The following KMT2C variants were observed in gnomAD, a reference collection of about 807,000 sequenced individuals.
The protein encoded by KMT2C is histone-lysine N-methyltransferase 2C.
KMT2C carries 88 observed loss-of-function variants against 507.9 expected under a neutral mutation model. That is an observed-to-expected ratio of 0.17 (90% CI 0.15 to 0.21). The LOEUF is 0.21. Among genes scored for constraint, KMT2C ranks in the 10% least tolerant of loss-of-function variants. KMT2C has a pLI of 1.00. For missense variants in KMT2C, 4,954 were observed against 5,957.8 expected (o/e 0.83, Z 5.55); for synonymous variants, 2,049 against 2,080.8 (o/e 0.98, Z 0.42).
chr7:152,226,219 CTTTTTTTTTT>C lies in KMT2C; in HGVS notation c.2977-1613_2977-1604del, dbSNP rs869076803. 9.6e-3 allele frequency among the ~76,000 whole-genome samples: 907 copies of C among 94,962 alleles called. 17 individuals are homozygous for C. Among genetic ancestry groups the C allele is most frequent in the African/African-American group, 0.036 (872 of 23,982 alleles). 62.3% of individuals were successfully genotyped at this position (94,962 alleles called of 152,430 possible). ...AAGAGTTGGTTGTTCATTACAAGGC[CTTTTTTTTTT>C]TTTTTTTTTTTTTTTTGAGATGGAG... On this transcript the variant is annotated intron_variant, in intron 18 of 58. Transcript: ENST00000262189.
rs201572005 is a variant in KMT2C at position 152,271,695 on chromosome 7, A to C, written c.1012+2010T>G. Among the ~76,000 whole-genome samples, 840 of 147,706 alleles carry C rather than the reference A, an allele frequency of 5.7e-3. 15 individuals carry two copies. The highest frequency in any genetic ancestry group is 0.038 in the Admixed American group (533 of 14,034). ...TCTCAAAAAAAAAAAAAAAAAAAAA[A>C]CCCCAAAGAAATCTAATTTAGTCAT... On this transcript the variant is annotated intron_variant, in intron 7 of 58. Transcript: ENST00000262189.
At chr7:152,412,581 C>T (rs2097694990) in intron 1 of KMT2C, among the ~76,000 whole-genome samples, 1 of 152,012 alleles carries the variant, frequency 6.6e-6, no homozygotes, top group Non-Finnish European at 1.5e-5. Flanking sequence ...CTCCAACTTT[C>T]TAATCCTCTC....
rs1158616344 is a variant in KMT2C at position 152,435,754 on chromosome 7, C to T, written c.33G>A (p.Gln11=). The T allele has an allele frequency of 1.3e-6, 2 of 1,513,710 alleles. No homozygotes were observed. The highest frequency in any genetic ancestry group is 1.8e-6 in the Non-Finnish European group (2 of 1,128,748). The allele number at this position is 1,513,710 out of a possible 1,614,324, so 93.8% of individuals were successfully genotyped here. ...CGGGGGGTGGTGGCGGCGGCTGCGG[C>T]TGCTCCACGCTCTTGTCCTCCTCCG... is the stretch of plus-strand genomic sequence containing the variant. MSSEEDKSVE[Q]PQPPPPPPEE... Residue 11 remains glutamine, a synonymous_variant, in exon 1 of 59, where the codon CAG becomes CAA. Coordinates refer to ENST00000262189, the MANE Select transcript of KMT2C (RefSeq NM_170606.3).
At chr7:152,293,177 C>T (rs566932243) in intron 6 of KMT2C, among the ~76,000 whole-genome samples, 3 of 151,984 alleles carry the variant, frequency 2.0e-5, no homozygotes, top group East Asian at 1.9e-4. Flanking sequence ...ATACATTGAA[C>T]GTTTGCTATA....
intron 1 of KMT2C, chr7:152,368,044 A>G (rs1189765185): frequency 4.7e-6 from 4 of 852,108 alleles, no homozygotes; most frequent in Non-Finnish European, 8.0e-6. Context: ...GATGATGAAG[A>G]AGAAAATAAA....
rs759728397 is a variant in KMT2C at position 152,177,103 on chromosome 7, TATC to T, written c.8347_8349del (p.Asp2783del). On this transcript the variant is annotated inframe_deletion, in exon 38 of 59. Transcript: ENST00000262189. The stretch of plus-strand genomic sequence containing the variant: ...ACAGATACACACTGATTATCTAACT[TATC>T]ATCAATTGGAAGGTCTAGTTCCTCA... 6 of 1,612,910 alleles carry T rather than the reference TATC, an allele frequency of 3.7e-6. No homozygotes were observed. Among genetic ancestry groups the T allele is most frequent in the East Asian group, 2.2e-5 (1 of 44,866 alleles).
At chr7:152,295,597 T>A (rs550939807) in intron 6 of KMT2C, among the ~76,000 whole-genome samples, 10 of 152,356 alleles carry the variant, frequency 6.6e-5, no homozygotes, top group African/African-American at 2.2e-4. Flanking sequence ...TAATAGACAC[T>A]GTTTATTGCC....
At chr7:152,401,283 T>A (rs1350594559) in intron 1 of KMT2C, among the ~76,000 whole-genome samples, 1 of 152,004 alleles carries the variant, frequency 6.6e-6, no homozygotes, top group Non-Finnish European at 1.5e-5. Flanking sequence ...TTTCACCATG[T>A]TGGCCAGACT....
chr7:152,154,563 C>T (rs370601067), intron 46 of KMT2C, 118 bp from the exon 47 acceptor site: 7 of 749,270 alleles, frequency 9.3e-6, no homozygotes, highest in African/African-American at 1.7e-5. Flanking sequence ...AGCACCTATA[C>T]GATGAGCAGC....
chr7:152,235,605 G>A (rs1219397650), intron 16 of KMT2C, among the ~76,000 whole-genome samples: 1 of 99,178 alleles, frequency 1.0e-5, no homozygotes, highest in Non-Finnish European at 2.3e-5. Flanking sequence ...GAAAGATAAG[G>A]AGTCAAAGAG....
intron 9 of KMT2C, among the ~76,000 whole-genome samples, chr7:152,254,368 G>A (rs191767505): frequency 1.4e-4 from 22 of 152,024 alleles, no homozygotes; most frequent in Non-Finnish European, 2.8e-4. Flanking sequence ...ACCACATTAA[G>A]AAAATAATAA....
In KMT2C at chr7:152,395,189, G is replaced by A. The variant is rs541757823; in HGVS notation, c.162-36514C>T. ...TAGTAGCATTAAAAAAATTTTAAGG[G>A]TTTTTTGTTTGTTGAGACAGGGTCT... On this transcript the variant is annotated intron_variant, in intron 1 of 58. Coordinates refer to ENST00000262189, the MANE Select transcript of KMT2C (RefSeq NM_170606.3). Among the ~76,000 whole-genome samples, 4 of 152,166 alleles carry A rather than the reference G, an allele frequency of 2.6e-5. No homozygotes were observed. The East Asian group carries it at 7.7e-4, about 29-fold the overall frequency.
At chr7:152,381,203 AGG>A (rs2097370474) in intron 1 of KMT2C, among the ~76,000 whole-genome samples, 1 of 152,200 alleles carries the variant, frequency 6.6e-6, no homozygotes, top group Admixed American at 6.5e-5. Context: ...GCTATGTGCT[AGG>A]CACTGTTCTA....
chr7:152,337,503 C>G (rs969607772), intron 2 of KMT2C, among the ~76,000 whole-genome samples: 1 of 152,106 alleles, frequency 6.6e-6, no homozygotes, highest in Non-Finnish European at 1.5e-5. Flanking sequence ...CAAATTGGTT[C>G]TAAGACATGA....
chr7:152,139,335 G>T, intron 56 of KMT2C, 76 bp from the exon 57 acceptor site: 1 of 1,365,078 alleles, frequency 7.3e-7, no homozygotes, highest in Non-Finnish European at 1.0e-6. Flanking sequence ...ACACCAGGAG[G>T]ACTCAGTCGA....
rs968300766 is a variant in KMT2C at position 152,360,072 on chromosome 7, G to A, written c.162-1397C>T. ...AAACACACAAACAAAAAAAAGGGGG[G>A]TGGGGGGGGGGGGACAATATGAAAT... On this transcript the variant is annotated intron_variant, in intron 1 of 58. Coordinates refer to ENST00000262189, the MANE Select transcript of KMT2C (RefSeq NM_170606.3). Among the ~76,000 whole-genome samples the A allele has an allele frequency of 7.5e-3, 446 of 59,380 alleles. 8 individuals are homozygous for A. The Admixed American group carries it at 0.076, about 10-fold the overall frequency. 39.0% of individuals were successfully genotyped at this position (59,380 alleles called of 152,430 possible).
intron 1 of KMT2C, among the ~76,000 whole-genome samples, chr7:152,432,311 G>A (rs1181101461): frequency 6.6e-6 from 1 of 152,122 alleles, no homozygotes; most frequent in Non-Finnish European, 1.5e-5. Flanking sequence ...ACTTGGTAAT[G>A]TGAATTTACA....
chr7:152,342,833 C>T (rs1489073223), intron 2 of KMT2C, among the ~76,000 whole-genome samples: 1 of 152,156 alleles, frequency 6.6e-6, no homozygotes, highest in Non-Finnish European at 1.5e-5. Context: ...ACAAGGCCTG[C>T]CTTCAGGAGA....
At chr7:152,196,876 G>C (rs1172249271) in intron 27 of KMT2C, among the ~76,000 whole-genome samples, 2 of 152,136 alleles carry the variant, frequency 1.3e-5, no homozygotes, top group South Asian at 2.1e-4. Flanking sequence ...GTTTGCCAAC[G>C]AGAGGCCAGA....
Sources: gnomAD v4.1 joint callset for allele counts (sites outside exome capture counted in the v4.1 genomes callset) on GRCh38, gnomAD v4.1.1 for gene constraint, MANE v1.5 for transcripts, NCBI Gene and HGNC (gene_info 2026-07-23, HGNC 2026-07-21) for gene names.